Variants in RFC4 observed in about 807,000 individuals in gnomAD.
The protein encoded by RFC4 is replication factor C subunit 4, also known as A1 37 kDa subunit.
In RFC4, 38 loss-of-function variants were observed where a neutral mutation model predicts 47.6. The ratio of observed to expected loss-of-function variants is 0.80; its 90% CI spans 0.62 to 1.05. RFC4 has a LOEUF of 1.05. Among genes scored for constraint, RFC4 ranks in the 50% least tolerant of loss-of-function variants. RFC4 has a pLI of 0.00. For synonymous variants in RFC4, 164 were observed against 150.0 expected, an observed-to-expected ratio of 1.09 and a Z score of -0.68; for missense variants, 489 against 434.0, an observed-to-expected ratio of 1.13 and a Z score of -1.13.
Position 186,791,788 on chromosome 3 carries a change from T to C in RFC4, c.738A>G (p.Gln246=), listed in dbSNP as rs757503376. Residue 246 remains glutamine (Q), a synonymous_variant, in exon 8 of 11, where the codon CAA becomes CAG. Transcript: ENST00000296273. ...TTCCACCTGTTAATCGAGTAGCGCT[T>C]TGAAGAAATGTAATGGCTTTTCTTA... ...GDLRKAITFL[Q]SATRLTGGKE... 8.1e-6 allele frequency: 13 copies of C among 1,610,628 alleles called. No individual in the cohort carries two copies. Among genetic ancestry groups the C allele is most frequent in the Non-Finnish European group, 1.1e-5 (13 of 1,176,926 alleles).
chr3:186,799,879 C>CA (rs1722317225), intron 3 of RFC4, among the ~76,000 whole-genome samples: 1 of 151,556 alleles, frequency 6.6e-6, no homozygotes, highest in Non-Finnish European at 1.5e-5. Context: ...CAGAATATAC[C>CA]AAAAAATAAA....
chr3:186,798,167 C>T (rs3917116), intron 3 of RFC4, among the ~76,000 whole-genome samples: 1,608 of 152,242 alleles, frequency 0.011, 24 homozygotes, highest in East Asian at 0.072. Context: ...AGGCACTGCT[C>T]CACATCATGA....
intron 2 of RFC4, 76 bp downstream of exon 2, chr3:186,804,504 TAAA>T (rs75756787): frequency 7.9e-4 from 935 of 1,188,848 alleles, no homozygotes; most frequent in South Asian, 1.8e-3. Flanking sequence ...CTCCATAAGT[TAAA>T]AAAAAAAAAA....
chr3:186,801,999 G>A (rs1722367419), intron 2 of RFC4, among the ~76,000 whole-genome samples: 1 of 142,266 alleles, frequency 7.0e-6, no homozygotes, highest in Admixed American at 7.4e-5. Flanking sequence ...CTCCAACCTG[G>A]GTCACAAGAG....
At chr3:186,791,999 G>T in intron 7 of RFC4, 149 bp from the exon 8 acceptor site, 2 of 642,240 alleles carry the variant, frequency 3.1e-6, no homozygotes, top group Non-Finnish European at 5.2e-6. Context: ...AATATGATCA[G>T]TCTAGGGGCC....
chr3:186,801,331 T>G, intron 2 of RFC4, 136 bp from the exon 3 acceptor site: 1 of 670,154 alleles, frequency 1.5e-6, no homozygotes, highest in Admixed American at 2.7e-5. Context: ...TTTTTCATAA[T>G]CGGAAATAGG....
chr3:186,802,881 AAC>A (rs1722389597), intron 2 of RFC4, among the ~76,000 whole-genome samples: 1 of 152,166 alleles, frequency 6.6e-6, no homozygotes, highest in Non-Finnish European at 1.5e-5. Context: ...CAAATTGAGG[AAC>A]ACACGACCTT....
At chr3:186,802,502 A>G (rs185298522) in intron 2 of RFC4, among the ~76,000 whole-genome samples, 2 of 152,344 alleles carry the variant, frequency 1.3e-5, no homozygotes, top group African/African-American at 2.4e-5. Context: ...ATCTAACTGC[A>G]TAAAAAAATG....
chr3:186,791,290 G>A (rs266752), intron 8 of RFC4: 92,912 of 195,336 alleles, frequency 0.48, 22,394 homozygotes, highest in Admixed American at 0.49. Flanking sequence ...TTCCATACCA[G>A]CCTGGTCAAC....
At chr3:186,792,117 T>C (rs1399615371) in intron 7 of RFC4, among the ~76,000 whole-genome samples, 1 of 152,184 alleles carries the variant, frequency 6.6e-6, no homozygotes, top group East Asian at 1.9e-4. Flanking sequence ...CAAATTCAAA[T>C]TATGGTTAAA....
chr3:186,805,051 T>C (rs1408638814), intron 1 of RFC4, among the ~76,000 whole-genome samples: 1 of 152,210 alleles, frequency 6.6e-6, no homozygotes, highest in East Asian at 1.9e-4. Flanking sequence ...TTGATAAATA[T>C]GATGTTGCTA....
In RFC4 at chr3:186,791,868, G is replaced by A. The variant is rs774491683; in HGVS notation, c.676-18C>T. ...GCTATTCCCTGAAGAGAAAAGAGTT[G>A]TTTTTAACCTATGATGGCCAATTAA... On this transcript the variant is annotated intron_variant, in intron 7 of 10. Coordinates refer to ENST00000296273, the MANE Select transcript of RFC4 (RefSeq NM_002916.5). The A allele has an allele frequency of 1.1e-5, 17 of 1,601,014 alleles. No homozygotes were observed. The highest frequency in any genetic ancestry group is 5.4e-5 in the African/African-American group (4 of 74,200).
At chr3:186,790,948 T>C (rs886468897) in intron 8 of RFC4, among the ~76,000 whole-genome samples, 3 of 152,084 alleles carry the variant, frequency 2.0e-5, no homozygotes, top group African/African-American at 4.8e-5. Flanking sequence ...TCTTGTCATA[T>C]GGAAGGCCTA....
At position 186,790,342 on chromosome 3, in the gene RFC4, A is replaced by C; in HGVS notation, c.866T>G (p.Leu289Arg). 6.2e-7 allele frequency: 1 copy of C among 1,613,698 alleles called. No homozygotes were observed. The highest frequency in any genetic ancestry group is 8.5e-7 in the Non-Finnish European group (1 of 1,179,658). The change falls in exon 9 of 11, where the codon CTA (leucine) becomes CGA (arginine). Residue 289 changes from leucine (L) to arginine (R), a missense_variant. Physicochemically the swap from Leu to Arg is moderately radical, Grantham distance 102. This residue lies in a region of RFC4 where 283 missense variants were observed against 176.2 expected (regional missense o/e 1.61). Coordinates refer to ENST00000296273, the MANE Select transcript of RFC4 (RefSeq NM_002916.5). ...AACQSGSFDK[L>R]EAVVKDLIDE... ...TGACTTTACCTTGACCACAGCTTCT[A>C]GTTTGTCAAAAGAGCCACTCTGACA...
chr3:186,801,036 T>A, intron 3 of RFC4, 81 bp downstream of exon 3: 1 of 1,035,456 alleles, frequency 9.7e-7, no homozygotes, highest in South Asian at 1.3e-5. Flanking sequence ...TAACGAGGGC[T>A]AGAAGTTATA....
intron 7 of RFC4, 26 bp downstream of exon 7, chr3:186,792,464 T>C (rs757232133): frequency 1.2e-5 from 19 of 1,595,128 alleles, no homozygotes; most frequent in Non-Finnish European, 1.5e-5. Flanking sequence ...TTAGTAACTC[T>C]AATAATTGTA....
At chr3:186,802,490 T>C (rs1722379174) in intron 2 of RFC4, among the ~76,000 whole-genome samples, 1 of 152,230 alleles carries the variant, frequency 6.6e-6, no homozygotes, top group Non-Finnish European at 1.5e-5. Context: ...ATTTTTTCCA[T>C]CATCTAACTG....
intron 8 of RFC4, chr3:186,791,427 G>T (rs1000593265): frequency 8.9e-6 from 3 of 335,246 alleles, no homozygotes; most frequent in Non-Finnish European, 1.7e-5. Flanking sequence ...TCGGTATTGC[G>T]TCACTGCACT....
intron 3 of RFC4, among the ~76,000 whole-genome samples, chr3:186,798,764 G>C (rs1266656210): frequency 6.6e-6 from 1 of 151,966 alleles, no homozygotes; most frequent in East Asian, 1.9e-4. Context: ...GTCTAAAGTA[G>C]GTCTCCTCTC....
Sources: allele counts gnomAD v4.1 joint callset (sites outside exome capture counted in the v4.1 genomes callset), GRCh38; gene constraint gnomAD v4.1.1; regional missense constraint gnomAD v4.1.1; transcripts MANE v1.5; gene names NCBI Gene and HGNC (gene_info 2026-07-23, HGNC 2026-07-21).